Variants in CHSY3 observed in about 807,000 individuals in gnomAD.
CHSY3 encodes chondroitin sulfate synthase 3.
Under a neutral mutation model 67.2 loss-of-function variants are expected in CHSY3, and 35 were observed. That is an observed-to-expected ratio of 0.52 (90% confidence interval 0.40 to 0.69). The LOEUF is 0.69. CHSY3 is among the 30% of genes least tolerant of loss of function. CHSY3 has a pLI of 0.00. For missense variants in CHSY3, 1,069 were observed against 1,138.5 expected (o/e 0.94, Z 0.88); for synonymous variants, 474 against 434.7 (o/e 1.09, Z -1.12).
chr5:129,980,673 T>C (rs1762954679), intron 2 of CHSY3, among the ~76,000 whole-genome samples: 1 of 152,194 alleles, frequency 6.6e-6, no homozygotes, highest in African/African-American at 2.4e-5. Context: ...TCTACTGTTG[T>C]ATCTTAAAAG....
intron 2 of CHSY3, among the ~76,000 whole-genome samples, chr5:129,909,575 T>C (rs891313556): frequency 6.6e-6 from 1 of 152,044 alleles, no homozygotes; most frequent in Non-Finnish European, 1.5e-5. Context: ...GAAATGATTA[T>C]GTTGCTGATT....
chr5:130,097,333 A>G (rs1767082620), intron 2 of CHSY3, among the ~76,000 whole-genome samples: 1 of 152,204 alleles, frequency 6.6e-6, no homozygotes, highest in Non-Finnish European at 1.5e-5. Flanking sequence ...CAAAACTTGA[A>G]GAAAGACTTC....
intron 2 of CHSY3, among the ~76,000 whole-genome samples, chr5:130,169,564 A>T (rs1293901173): frequency 6.6e-6 from 1 of 152,088 alleles, no homozygotes; most frequent in South Asian, 2.1e-4. Flanking sequence ...TCCTAACTTT[A>T]TCTGACCCAT....
chr5:130,052,465 T>C (rs910624292), intron 2 of CHSY3, among the ~76,000 whole-genome samples: 1 of 152,194 alleles, frequency 6.6e-6, no homozygotes, highest in Non-Finnish European at 1.5e-5. Flanking sequence ...TATTGATAAA[T>C]ATTTTGTGAC....
intron 2 of CHSY3, among the ~76,000 whole-genome samples, chr5:130,171,819 A>G (rs529949074): frequency 6.6e-6 from 1 of 152,226 alleles, no homozygotes; most frequent in Non-Finnish European, 1.5e-5. Flanking sequence ...CTTCAAAATC[A>G]TACAGAGCAT....
rs574442779 is a variant in CHSY3, at chr5:129,916,402, C to A, written c.1086+8042C>A. On this transcript the variant is annotated intron_variant, in intron 2 of 2. Transcript: ENST00000305031. ...CAGAAGAGGTTCAGAGAATTCTAAA[C>A]AGCTTGGGTTAGAAATGTGGTCACC... Among the ~76,000 whole-genome samples, 13 of 152,286 alleles carry A rather than the reference C, an allele frequency of 8.5e-5. No homozygotes were observed. In the South Asian group the frequency reaches 2.7e-3, roughly 32 times the overall value.
rs61284287 is a variant in CHSY3, at chr5:130,143,810, G to GTATATATATA, written c.1087-40391_1087-40382dup. Among the ~76,000 whole-genome samples, 262 of 56,444 alleles carry GTATATATATA rather than the reference G, an allele frequency of 4.6e-3. 12 individuals carry two copies. The highest frequency in any genetic ancestry group is 0.019 in the Middle Eastern group (1 of 54). 37.0% of individuals were successfully genotyped at this position (56,444 alleles called of 152,430 possible). ...TATATATATATATATATATATGTGT[G>GTATATATATA]TATATATATATATATATATATATAT... On this transcript the variant is annotated intron_variant, in intron 2 of 2. Coordinates refer to ENST00000305031, the MANE Select transcript of CHSY3 (RefSeq NM_175856.5).
Position 130,185,114 on chromosome 5 carries a change from C to A in CHSY3, c.1972C>A (p.Leu658Ile), listed in dbSNP as rs200440427. The change falls in exon 3 of 3, where the codon CTT becomes ATT. Residue 658 changes from leucine to isoleucine, a missense_variant. By Grantham distance (5) the Leu-to-Ile change is conservative (BLOSUM62 2). This residue lies in a region of CHSY3 where 401 missense variants were observed against 395.2 expected (regional missense o/e 1.01). Coordinates refer to ENST00000305031, the MANE Select transcript of CHSY3 (RefSeq NM_175856.5). Reference sequence around the variant, plus strand: ...GCAGAATGTAAAGTTGGTCATTATCCTTTTCAGTAGGGATTCTGGCCAAGA... The same window carrying A: ...GCAGAATGTAAAGTTGGTCATTATCATTTTCAGTAGGGATTCTGGCCAAGA... The part of the protein sequence containing the change: ...PKQNVKLVII[L>I]FSRDSGQDSS... 36 of 1,598,366 alleles carry A rather than the reference C, an allele frequency of 2.3e-5. No individual in the cohort carries two copies. The highest frequency in any genetic ancestry group is 2.6e-5 in the Non-Finnish European group (30 of 1,165,896).
chr5:129,905,689 A>G, intron 1 of CHSY3, 58 bp downstream of exon 1: 1 of 1,587,850 alleles, frequency 6.3e-7, no homozygotes, highest in South Asian at 1.2e-5. Flanking sequence ...TTTCTCTGTA[A>G]CCGGTCCTAG....
chr5:129,981,704 T>A (rs1762990097), intron 2 of CHSY3, among the ~76,000 whole-genome samples: 1 of 151,964 alleles, frequency 6.6e-6, no homozygotes, highest in African/African-American at 2.4e-5. Context: ...CTTTTTATTT[T>A]CTTGTCTTCT....
chr5:130,014,291 C>T (rs901688004), intron 2 of CHSY3, among the ~76,000 whole-genome samples: 1 of 152,194 alleles, frequency 6.6e-6, no homozygotes, highest in East Asian at 1.9e-4. Flanking sequence ...GGTATCTTTA[C>T]AGCAGCACCC....
intron 2 of CHSY3, among the ~76,000 whole-genome samples, chr5:130,078,048 A>T (rs570420660): frequency 6.6e-6 from 1 of 152,178 alleles, no homozygotes; most frequent in Non-Finnish European, 1.5e-5. Flanking sequence ...ACTTTGAAGT[A>T]TTATTTCCAT....
At chr5:130,139,458 C>G (rs1388386443) in intron 2 of CHSY3, among the ~76,000 whole-genome samples, 2 of 152,204 alleles carry the variant, frequency 1.3e-5, no homozygotes, top group Non-Finnish European at 2.9e-5. Flanking sequence ...TGTATGATAA[C>G]TTTACATCTT....
chr5:130,129,684 AAC>A, intron 2 of CHSY3, among the ~76,000 whole-genome samples: 1 of 152,196 alleles, frequency 6.6e-6, no homozygotes, highest in Non-Finnish European at 1.5e-5. Context: ...TAATGGAAAG[AAC>A]AATGGACCAT....
chr5:130,000,271 C>T (rs1378753475), intron 2 of CHSY3, among the ~76,000 whole-genome samples: 1 of 152,094 alleles, frequency 6.6e-6, no homozygotes, highest in African/African-American at 2.4e-5. Flanking sequence ...TGAAAGGCTG[C>T]ACTATAAAAA....
rs148339220 is a variant in CHSY3 at position 129,997,670 on chromosome 5, C to G, written c.1086+89310C>G. ...TATCCCTCCCTCAGCCTCCCACCCC[C>G]CAACAGGCCCCAGTGTGTGATGTTT... On this transcript the variant is annotated intron_variant, in intron 2 of 2. Transcript: ENST00000305031. Among the ~76,000 whole-genome samples, 626 of 152,134 alleles carry G rather than the reference C, an allele frequency of 4.1e-3. 7 individuals are homozygous for G. The highest frequency in any genetic ancestry group is 0.013 in the African/African-American group (545 of 41,528).
At chr5:130,118,469 T>C (rs1561544587) in intron 2 of CHSY3, among the ~76,000 whole-genome samples, 1 of 150,866 alleles carries the variant, frequency 6.6e-6, no homozygotes, top group African/African-American at 2.5e-5. Flanking sequence ...CATATACACA[T>C]ACATATATAT....
At chr5:130,161,525 GT>G (rs1769542973) in intron 2 of CHSY3, among the ~76,000 whole-genome samples, 6 of 152,252 alleles carry the variant, frequency 3.9e-5, no homozygotes, top group Admixed American at 3.9e-4. Context: ...AAGGGATTAT[GT>G]TTAGTTAATG....
chr5:129,939,814 C>G lies in CHSY3; in HGVS notation c.1086+31454C>G, dbSNP rs540221856. ...ACATAGGAAATCTTTATAAGTGCTG[C>G]TTAAAGTTTAGATGATAACTTAAAG... On this transcript the variant is annotated intron_variant, in intron 2 of 2. Coordinates refer to ENST00000305031, the MANE Select transcript of CHSY3 (RefSeq NM_175856.5). Among the ~76,000 whole-genome samples, 12 of 152,256 alleles carry G rather than the reference C, an allele frequency of 7.9e-5. No homozygotes were observed. In the South Asian group the frequency reaches 2.3e-3, roughly 29 times the overall value.
Sources: gnomAD v4.1 joint callset for allele counts (sites outside exome capture counted in the v4.1 genomes callset) on GRCh38, gnomAD v4.1.1 for gene constraint, gnomAD v4.1.1 regional missense constraint, MANE v1.5 for transcripts, NCBI Gene and HGNC (gene_info 2026-07-23, HGNC 2026-07-21) for gene names.